Variants in LRP4 observed in about 807,000 individuals in gnomAD.
LRP4 encodes LDL receptor related protein 4.
In LRP4, 95 loss-of-function variants were observed where a neutral mutation model predicts 220.3. The ratio of observed to expected loss-of-function variants is 0.43; its 90% CI spans 0.37 to 0.51. The LOEUF is 0.51. Ranked by LOEUF, LRP4 falls within the 20% of genes least tolerant of loss-of-function variation. LRP4 has a pLI of 0.00. For synonymous variants in LRP4, 903 were observed against 954.6 expected (o/e 0.95, Z 1.00); for missense variants, 1,925 against 2,567.0 (o/e 0.75, Z 5.40).
rs1454832687 is a variant in LRP4, at chr11:46,875,812, G to A, written c.3691C>T (p.His1231Tyr). The change falls in exon 26 of 38, where the codon CAC becomes TAC. Residue 1231 changes from histidine (H) to tyrosine (Y), a missense_variant. Coordinates refer to ENST00000378623, the MANE Select transcript of LRP4 (RefSeq NM_002334.4). The surrounding 1 kb of genome is among the most constrained non-coding windows in gnomAD (Gnocchi z 4.5). ...ASSQLLWADA[H>Y]TERIEAADLN... is the part of the protein sequence containing the mutation. Reference sequence around the variant, plus strand: ...AGGGACACGGCTCTCACCTCGGTGTGGGCATCGGCCCATAGCAGTTGGGAG... The same window carrying A: ...AGGGACACGGCTCTCACCTCGGTGTAGGCATCGGCCCATAGCAGTTGGGAG... 6.2e-7 allele frequency: 1 copy of A among 1,613,938 alleles called. No individual in the cohort carries two copies. The highest frequency in any genetic ancestry group is 2.2e-5 in the East Asian group (1 of 44,872).
chr11:46,902,983 C>T, intron 1 of LRP4, 54 bp from the exon 2 acceptor site: 2 of 1,611,646 alleles, frequency 1.2e-6, no homozygotes, highest in Non-Finnish European at 1.7e-6. Context: ...CAACCCAAGC[C>T]CATTCCGAGG....
chr11:46,864,508 A>G lies in LRP4; in HGVS notation c.5183T>C (p.Ile1728Thr), dbSNP rs767146257. Residue 1728 changes from isoleucine to threonine, a missense_variant, in exon 36 of 38, where the codon ATT becomes ACT. Coordinates refer to ENST00000378623, the MANE Select transcript of LRP4 (RefSeq NM_002334.4). ...PGEGLHISYA[I>T]GGLLSILLIL... ...CAGCAGAATACTGAGGAGTCCACCA[A>G]TGGCGTAGCTGATATGAAGTCCTTC... 1.1e-5 allele frequency: 17 copies of G among 1,613,596 alleles called. No individual in the cohort carries two copies. In the South Asian group the frequency reaches 1.9e-4, roughly 18 times the overall value.
At position 46,864,633 on chromosome 11, in the gene LRP4, T is replaced by C; in HGVS notation, c.5156-98A>G. The stretch of plus-strand genomic sequence containing the variant: ...AGCTGAAAGGCTCCTTTTGTAGGTG[T>C]TGGACCCCATACCATCTGAGGATGG... On this transcript the variant is annotated intron_variant, in intron 35 of 37. Transcript: ENST00000378623. The C allele has an allele frequency of 3.7e-6, 3 of 820,998 alleles. No homozygotes were observed. In the South Asian group the frequency reaches 4.1e-5, roughly 11 times the overall value. 50.9% of individuals were successfully genotyped at this position (820,998 alleles called of 1,614,324 possible). A position where few individuals can be genotyped will look rare whatever the true frequency, so the allele number is the denominator to read the frequency against.
chr11:46,868,807 A>C, intron 32 of LRP4, 94 bp from the exon 33 acceptor site: 3 of 1,216,112 alleles, frequency 2.5e-6, no homozygotes, highest in South Asian at 1.2e-5. Context: ...GGATTACCCT[A>C]CTCCCAGGGA....
intron 1 of LRP4, among the ~76,000 whole-genome samples, chr11:46,916,322 C>G (rs924038194): frequency 6.6e-6 from 1 of 151,948 alleles, no homozygotes; most frequent in African/African-American, 2.4e-5. Flanking sequence ...TGCCTGTAGT[C>G]CCAGTTACTC....
At chr11:46,878,154 A>C (rs1007017672) in intron 22 of LRP4, among the ~76,000 whole-genome samples, 73 of 152,070 alleles carry the variant, frequency 4.8e-4, no homozygotes, top group Non-Finnish European at 7.9e-4. Flanking sequence ...CCCTCCAATA[A>C]GGTTGTCACA....
At chr11:46,903,953 ACCAGCTGCTGTGCCCCCTCC>A (rs1315424762) in intron 1 of LRP4, among the ~76,000 whole-genome samples, 1 of 152,124 alleles carries the variant, frequency 6.6e-6, no homozygotes, top group Non-Finnish European at 1.5e-5. Context: ...AAGTCCCATG[ACCAGCTGCTGTGCCCCCTCC>A]CCAGCGTGCC....
At chr11:46,862,980 C>G in intron 36 of LRP4, 1 of 545,578 alleles carries the variant, frequency 1.8e-6, no homozygotes, top group Non-Finnish European at 3.3e-6. Flanking sequence ...TACCAAGAAA[C>G]TGGTTCTGGT....
At chr11:46,888,943 C>T (rs1461194521) in intron 16 of LRP4, among the ~76,000 whole-genome samples, 2 of 152,204 alleles carry the variant, frequency 1.3e-5, no homozygotes, top group East Asian at 3.8e-4. Context: ...GGGAAGATCC[C>T]ATGATCTTCC....
At chr11:46,893,209 C>A in intron 12 of LRP4, 80 bp from the exon 13 acceptor site, 1 of 1,546,096 alleles carries the variant, frequency 6.5e-7, no homozygotes, top group Non-Finnish European at 8.9e-7. Flanking sequence ...CAAACTCTTA[C>A]AGGAAGCAAT....
intron 16 of LRP4, among the ~76,000 whole-genome samples, chr11:46,888,471 TGAA>T (rs1941345821): frequency 1.5e-5 from 2 of 133,650 alleles, no homozygotes; most frequent in Non-Finnish European, 3.1e-5. Flanking sequence ...GAGAATAGCT[TGAA>T]CCTGGGAAGT....
At chr11:46,902,721 C>T in intron 2 of LRP4, 62 bp downstream of exon 2, 3 of 1,598,144 alleles carry the variant, frequency 1.9e-6, no homozygotes, top group Non-Finnish European at 1.7e-6. Flanking sequence ...TCAGCCTTGT[C>T]CTTGCCCCCC....
Position 46,889,466 on chromosome 11 carries a change from G to A in LRP4, c.2160C>T (p.Tyr720=). 6.2e-7 allele frequency: 1 copy of A among 1,614,140 alleles called. No homozygotes were observed. The highest frequency in any genetic ancestry group is 1.1e-5 in the South Asian group (1 of 91,080). Residue 720 remains tyrosine, a synonymous_variant, in exon 16 of 38, where the codon TAC becomes TAT. Coordinates refer to ENST00000378623, the MANE Select transcript of LRP4 (RefSeq NM_002334.4). ...THLCLPSGQN[Y]TCACPTGFRK... ...GGAAGCCAGTGGGGCAGGCACAGGTGTAGTTCTGGCCACTGGGCAGACACA... is the reference window on the plus strand; with the variant it reads ...GGAAGCCAGTGGGGCAGGCACAGGTATAGTTCTGGCCACTGGGCAGACACA...
Position 46,875,192 on chromosome 11 carries a change from G to T in LRP4, c.3926-89C>A. 1 of 1,364,154 alleles carries T rather than the reference G, an allele frequency of 7.3e-7. No homozygotes were observed. Among genetic ancestry groups the T allele is most frequent in the Non-Finnish European group, 1.0e-6 (1 of 983,464 alleles). The allele number at this position is 1,364,154 out of a possible 1,614,324, so 84.5% of individuals were successfully genotyped here. On this transcript the variant is annotated intron_variant, in intron 27 of 37. Coordinates refer to ENST00000378623, the MANE Select transcript of LRP4 (RefSeq NM_002334.4). This position sits in a 1 kb window ranked among gnomAD's most constrained non-coding sequence, Gnocchi z 4.5. The stretch of plus-strand genomic sequence containing the variant: ...CCCAGTTGTTTGTGGCTGGCTCTTT[G>T]CTGTTCTAAGTGACAGGATTCAGTG...
rs886048350 is a variant in LRP4, at chr11:46,873,501, T to C, written c.4322A>G (p.Asn1441Ser). The C allele has an allele frequency of 9.3e-6, 15 of 1,614,160 alleles. No individual in the cohort carries two copies. The highest frequency in any genetic ancestry group is 1.3e-5 in the African/African-American group (1 of 75,016). ...TCGACCTGTGTCTGTCCAGTACAGG[T>C]TCCTGGCCACCCAGTCCACTGCCAG... ...DGLAVDWVAR[N>S]LYWTDTGRNT... Residue 1441 changes from asparagine to serine, a missense_variant, in exon 29 of 38, where the codon AAC becomes AGC. By Grantham distance (46) the Asn-to-Ser change is conservative (BLOSUM62 1). Coordinates refer to ENST00000378623, the MANE Select transcript of LRP4 (RefSeq NM_002334.4). This position sits in a 1 kb window ranked among gnomAD's most constrained non-coding sequence, Gnocchi z 4.2.
intron 1 of LRP4, among the ~76,000 whole-genome samples, chr11:46,914,118 G>GTTTGAACA (rs1307514862): frequency 6.0e-4 from 91 of 152,272 alleles, no homozygotes; most frequent in African/African-American, 2.1e-3. Flanking sequence ...GCCAAGCTCT[G>GTTTGAACA]TGCTGCATAG....
chr11:46,899,122 G>T lies in LRP4; in HGVS notation c.548-90C>A. Reference sequence around the variant, plus strand: ...ATTCCTCAAGCAGGCAGGATGCTCAGGCAGGAGAGCTTCTTCAAGTGAGAT... The same window carrying T: ...ATTCCTCAAGCAGGCAGGATGCTCATGCAGGAGAGCTTCTTCAAGTGAGAT... On this transcript the variant is annotated intron_variant, in intron 5 of 37. Transcript: ENST00000378623. This position sits in a 1 kb window ranked among gnomAD's most constrained non-coding sequence, Gnocchi z 5.9. The T allele has an allele frequency of 1.6e-6, 2 of 1,286,770 alleles. No individual in the cohort carries two copies. Among genetic ancestry groups the T allele is most frequent in the Non-Finnish European group, 2.2e-6 (2 of 910,604 alleles). The allele number at this position is 1,286,770 out of a possible 1,614,324, so 79.7% of individuals were successfully genotyped here. A position where few individuals can be genotyped will look rare whatever the true frequency, so the allele number is the denominator to read the frequency against.
intron 1 of LRP4, among the ~76,000 whole-genome samples, chr11:46,907,280 G>C (rs892705610): frequency 6.6e-6 from 1 of 152,208 alleles, no homozygotes; most frequent in Non-Finnish European, 1.5e-5. Context: ...CTATGGAAAA[G>C]GTCTGTCCGC....
intron 36 of LRP4, 79 bp from the exon 37 acceptor site, chr11:46,862,826 G>C: frequency 1.5e-6 from 2 of 1,295,524 alleles, no homozygotes; most frequent in Admixed American, 3.7e-5. Context: ...ACTGAGTCTG[G>C]TAGGCAGCCT....
Sources: allele counts gnomAD v4.1 joint callset (sites outside exome capture counted in the v4.1 genomes callset), GRCh38; gene constraint gnomAD v4.1.1; non-coding constraint Gnocchi (gnomAD v3.1); transcripts MANE v1.5; gene names NCBI Gene and HGNC (gene_info 2026-07-23, HGNC 2026-07-21).